Variants in CDK1 observed in about 807,000 individuals in gnomAD.
The protein encoded by CDK1 is cyclin dependent kinase 1, also known as cyclin-dependent kinase 1.
A neutral mutation model predicts 34.6 loss-of-function variants in CDK1; 5 were observed. That is an observed-to-expected ratio of 0.14 (90% CI 0.08 to 0.30). CDK1 has a LOEUF of 0.30. Among genes scored for constraint, CDK1 ranks in the 10% least tolerant of loss-of-function variants. The probability of loss-of-function intolerance (pLI) is 1.00; values close to 1 mark genes in which losing one functional copy is unlikely to be tolerated. For synonymous variants in CDK1, 108 were observed against 114.7 expected, an observed-to-expected ratio of 0.94 and a Z score of 0.37; for missense variants, 157 against 345.7, an observed-to-expected ratio of 0.45 and a Z score of 4.33.
chr10:60,784,968 G>A, intron 3 of CDK1, 107 bp downstream of exon 3: 1 of 959,656 alleles, frequency 1.0e-6, no homozygotes, highest in Non-Finnish European at 1.6e-6. Flanking sequence ...TAGCCTTACT[G>A]AGTGGACTAG....
At chr10:60,780,263 A>G (rs2080260444) in intron 2 of CDK1, 61 bp downstream of exon 2, 2 of 835,752 alleles carry the variant, frequency 2.4e-6, no homozygotes, top group South Asian at 1.4e-5. Flanking sequence ...AACTTCTGTA[A>G]TATGAACACA....
At position 60,794,121 on chromosome 10, in the gene CDK1, A is replaced by G; in HGVS notation, c.*146A>G. 2.1e-6 allele frequency: 1 copy of G among 482,544 alleles called. No individual in the cohort carries two copies. The highest frequency in any genetic ancestry group is 4.0e-5 in the South Asian group (1 of 25,010). 29.9% of individuals were successfully genotyped at this position (482,544 alleles called of 1,614,324 possible). Reference sequence around the variant, plus strand: ...TTCTAATTTCAAAAATATAACTTAAAAATGTAAATATTCTATATGAATTTA... The same window carrying G: ...TTCTAATTTCAAAAATATAACTTAAGAATGTAAATATTCTATATGAATTTA... On this transcript the variant is annotated 3_prime_UTR_variant, in exon 8 of 8. Transcript: ENST00000395284.
chr10:60,786,415 G>T, intron 4 of CDK1: 3 of 718,598 alleles, frequency 4.2e-6, no homozygotes, highest in Non-Finnish European at 5.1e-6. Flanking sequence ...TTATCAAGAC[G>T]TAGATCTACC....
chr10:60,790,304 C>T lies in CDK1; in HGVS notation c.490-1586C>T, dbSNP rs79865183. ...TGTCACCCATGCTGGAATGCAGTGGCGTGAACAGGGCTCACTGCAACCTCA... is the reference window on the plus strand; with the variant it reads ...TGTCACCCATGCTGGAATGCAGTGGTGTGAACAGGGCTCACTGCAACCTCA... On this transcript the variant is annotated intron_variant, in intron 5 of 7. Transcript: ENST00000395284. Among the ~76,000 whole-genome samples, 9 of 152,226 alleles carry T rather than the reference C, an allele frequency of 5.9e-5. No individual in the cohort carries two copies. In the East Asian group the frequency reaches 1.4e-3, roughly 23 times the overall value.
intron 4 of CDK1, 116 bp downstream of exon 4, chr10:60,785,903 A>G (rs2080311781): frequency 7.5e-7 from 1 of 1,330,422 alleles, no homozygotes; most frequent in Non-Finnish European, 9.7e-7. Flanking sequence ...AATAAGAAAA[A>G]GTATTTCATT....
At chr10:60,779,615 T>G (rs1261878582) in intron 1 of CDK1, among the ~76,000 whole-genome samples, 4 of 152,180 alleles carry the variant, frequency 2.6e-5, no homozygotes, top group Non-Finnish European at 4.4e-5. Context: ...AATTGTCACG[T>G]GGGCAACTGT....
rs368941676 is a variant in CDK1, at chr10:60,791,357, A to T, written c.490-533A>T. On this transcript the variant is annotated intron_variant, in intron 5 of 7. Coordinates refer to ENST00000395284, the MANE Select transcript of CDK1 (RefSeq NM_001786.5). ...TATTAATTTTTGTATGCTGATTTTGATTTTGTATACTGCAACTTTGTTAAT... is the reference window on the plus strand; with the variant it reads ...TATTAATTTTTGTATGCTGATTTTGTTTTTGTATACTGCAACTTTGTTAAT... Among the ~76,000 whole-genome samples, 31 of 152,052 alleles carry T rather than the reference A, an allele frequency of 2.0e-4. No individual in the cohort carries two copies. In the East Asian group the frequency reaches 5.0e-3, roughly 25 times the overall value.
chr10:60,783,759 T>TTA (rs2132065359), intron 2 of CDK1, among the ~76,000 whole-genome samples: 1 of 152,324 alleles, frequency 6.6e-6, no homozygotes, highest in Non-Finnish European at 1.5e-5. Context: ...CTGCTATCCC[T>TTA]TATAATTGAT....
In CDK1 at chr10:60,781,106, A is replaced by G. The variant is rs564125231; in HGVS notation, c.37+904A>G. Among the ~76,000 whole-genome samples the G allele has an allele frequency of 2.6e-5, 4 of 152,132 alleles. No individual in the cohort carries two copies. The East Asian group carries it at 5.8e-4, about 22-fold the overall frequency. Reference sequence around the variant, plus strand: ...TACCTCATACCCATTCTACTAAACAAATTTTGCTGCTGAATTAAAAATATG... The same window carrying G: ...TACCTCATACCCATTCTACTAAACAGATTTTGCTGCTGAATTAAAAATATG... On this transcript the variant is annotated intron_variant, in intron 2 of 7. Coordinates refer to ENST00000395284, the MANE Select transcript of CDK1 (RefSeq NM_001786.5).
intron 3 of CDK1, among the ~76,000 whole-genome samples, chr10:60,785,423 A>G (rs1181758931): frequency 6.6e-6 from 1 of 152,122 alleles, no homozygotes; most frequent in Non-Finnish European, 1.5e-5. Context: ...GCCAACCTAG[A>G]TATGTTCTTT....
chr10:60,793,858 T>A lies in CDK1; in HGVS notation c.796-19T>A. 5 of 1,375,008 alleles carry A rather than the reference T, an allele frequency of 3.6e-6. No individual in the cohort carries two copies. The highest frequency in any genetic ancestry group is 4.0e-6 in the Non-Finnish European group (4 of 991,188). 85.2% of individuals were successfully genotyped at this position (1,375,008 alleles called of 1,614,324 possible). A position where few individuals can be genotyped will look rare whatever the true frequency, so the allele number is the denominator to read the frequency against. ...GGTTTATTTCCTAAATAAATATCTC[T>A]TTTTCTTTTTTCTCCCAGAAAATGT... is the stretch of plus-strand genomic sequence containing the variant. On this transcript the variant is annotated intron_variant, in intron 7 of 7. Coordinates refer to ENST00000395284, the MANE Select transcript of CDK1 (RefSeq NM_001786.5).
intron 5 of CDK1, among the ~76,000 whole-genome samples, chr10:60,788,604 G>A (rs887295595): frequency 6.6e-6 from 1 of 151,734 alleles, no homozygotes; most frequent in Non-Finnish European, 1.5e-5. Context: ...CACCACCTTG[G>A]TTTCTGTCTC....
chr10:60,784,957 C>A, intron 3 of CDK1, 96 bp downstream of exon 3: 1 of 1,151,704 alleles, frequency 8.7e-7, no homozygotes, highest in Non-Finnish European at 1.3e-6. Context: ...ATTTCTTGGT[C>A]TAGCCTTACT....
chr10:60,781,856 A>C (rs979821212), intron 2 of CDK1, among the ~76,000 whole-genome samples: 1 of 152,180 alleles, frequency 6.6e-6, no homozygotes, highest in Non-Finnish European at 1.5e-5. Flanking sequence ...CTGTTTGCCC[A>C]CTGCCTATCA....
In CDK1 at chr10:60,785,822, A is replaced by G. The variant is rs142079607; in HGVS notation, c.318+35A>G. The stretch of plus-strand genomic sequence containing the variant: ...TAACTAATTTTATTAATATTTATGC[A>G]CTGTGGATATAAAGGGACTATATAT... On this transcript the variant is annotated intron_variant, in intron 4 of 7. Transcript: ENST00000395284. The G allele has an allele frequency of 2.2e-4, 343 of 1,551,450 alleles. No homozygotes were observed. The African/African-American group carries it at 4.1e-3, about 19-fold the overall frequency.
intron 2 of CDK1, among the ~76,000 whole-genome samples, chr10:60,781,499 A>G (rs1269039652): frequency 6.6e-6 from 1 of 152,168 alleles, no homozygotes; most frequent in Non-Finnish European, 1.5e-5. Flanking sequence ...ATATGATTCA[A>G]TTGAACAATA....
intron 7 of CDK1, among the ~76,000 whole-genome samples, chr10:60,793,669 A>C (rs1354349744): frequency 6.6e-6 from 1 of 152,074 alleles, no homozygotes; most frequent in Non-Finnish European, 1.5e-5. Flanking sequence ...AATATCTATG[A>C]TTTACAGAGT....
Position 60,784,564 on chromosome 10 carries a change from A to C in CDK1, c.38-141A>C, listed in dbSNP as rs886723078. ...AGGATCCCCTGAGCCCAGGAGGAGG[A>C]GGTTGTAGTGAGCCTTGATTGACCC... On this transcript the variant is annotated intron_variant, in intron 2 of 7. Coordinates refer to ENST00000395284, the MANE Select transcript of CDK1 (RefSeq NM_001786.5). 1.9e-5 allele frequency: 12 copies of C among 622,218 alleles called. 1 individual carries two copies. In the South Asian group the frequency reaches 2.6e-4, roughly 14 times the overall value. The allele number at this position is 622,218 out of a possible 1,614,324, so 38.5% of individuals were successfully genotyped here. A position where few individuals can be genotyped will look rare whatever the true frequency, so the allele number is the denominator to read the frequency against.
chr10:60,780,144 C>T lies in CDK1; in HGVS notation c.-22C>T. On this transcript the variant is annotated 5_prime_UTR_variant, in exon 2 of 8. Coordinates refer to ENST00000395284, the MANE Select transcript of CDK1 (RefSeq NM_001786.5). Reference sequence around the variant, plus strand: ...GTCAGTTTTTCCTTCACTTTAGGATCTACCATACCCATTGACTAACTATGG... The same window carrying T: ...GTCAGTTTTTCCTTCACTTTAGGATTTACCATACCCATTGACTAACTATGG... The T allele has an allele frequency of 6.8e-7, 1 of 1,475,992 alleles. No individual in the cohort carries two copies. The allele number at this position is 1,475,992 out of a possible 1,614,324, so 91.4% of individuals were successfully genotyped here. A position where few individuals can be genotyped will look rare whatever the true frequency, so the allele number is the denominator to read the frequency against.
Sources: allele counts gnomAD v4.1 joint callset (sites outside exome capture counted in the v4.1 genomes callset), GRCh38; gene constraint gnomAD v4.1.1; transcripts MANE v1.5; gene names NCBI Gene and HGNC (gene_info 2026-07-23, HGNC 2026-07-21).